PEPD: variants seen among roughly 807,000 people sequenced by gnomAD.
PEPD encodes the protein peptidase D, also known as xaa-Pro dipeptidase.
Under a neutral mutation model 60.7 loss-of-function variants are expected in PEPD, and 53 were observed. The observed-to-expected ratio is 0.87, with a 90% CI of 0.70 to 1.10. The LOEUF (loss-of-function observed/expected upper bound fraction) is 1.10. Among genes scored for constraint, PEPD ranks in the 50% least tolerant of loss-of-function variants. The pLI, the probability that PEPD is intolerant of heterozygous loss-of-function variation, is 0.00. For synonymous variants in PEPD, 267 were observed against 284.1 expected (o/e 0.94, Z 0.60); for missense variants, 711 against 711.9 (o/e 1.00, Z 0.01).
In PEPD at chr19:33,478,046, C is replaced by T. The variant is rs556625829; in HGVS notation, c.548G>A (p.Cys183Tyr). The T allele has an allele frequency of 6.2e-7, 1 of 1,608,388 alleles. No homozygotes were observed. The highest frequency in any genetic ancestry group is 1.3e-5 in the African/African-American group (1 of 74,886). The change falls in exon 7 of 15, where the codon TGC (cysteine) becomes TAC (tyrosine). Residue 183 changes from cysteine (C) to tyrosine (Y), a missense_variant and splice_region_variant. Cys to Tyr is a radical substitution (Grantham distance 194). Coordinates refer to ENST00000244137, the MANE Select transcript of PEPD (RefSeq NM_000285.4). ...CAAGGTGACCACAGGCCGTACTCAC[C>T]ACTCAACGATCTCTGGGTGAAGAAT... ...NTILHPEIVE[C>Y]RVFKTDMELE...
intron 1 of PEPD, among the ~76,000 whole-genome samples, chr19:33,515,131 T>A (rs1023971456): frequency 6.6e-6 from 1 of 152,186 alleles, no homozygotes; most frequent in Non-Finnish European, 1.5e-5. Flanking sequence ...CCTCGCCTGG[T>A]GCCTTGCCTG....
In PEPD at chr19:33,453,775, C is replaced by T. The variant is rs576535288; in HGVS notation, c.671+9220G>A. Among the ~76,000 whole-genome samples the T allele has an allele frequency of 1.7e-4, 26 of 152,254 alleles. No individual in the cohort carries two copies. In the East Asian group the frequency reaches 2.3e-3, roughly 14 times the overall value. On this transcript the variant is annotated intron_variant, in intron 9 of 14. Transcript: ENST00000244137. ...ATCCTCCTAATCCTCCTATGAAGTG[C>T]TATTATTTTTTTCCAGATGAGGACA...
chr19:33,398,375 A>G (rs1279099672), intron 12 of PEPD, among the ~76,000 whole-genome samples: 9 of 152,218 alleles, frequency 5.9e-5, no homozygotes. Flanking sequence ...GATGTCTGAC[A>G]CTACCACTTG....
At position 33,387,371 on chromosome 19, in the gene PEPD, G is replaced by A. The variant is rs375224388; in HGVS notation, c.1455C>T (p.Ala485=). The part of the protein sequence containing the change: ...IEACMAGCDK[A]FTPFSGPK ...ACTTGGGGCCAGAGAAGGGGGTAAA[G>A]GCCTTGTCACAGCCTGCCATGCATG... is the stretch of plus-strand genomic sequence containing the variant. The change falls in exon 15 of 15, where the codon GCC becomes GCT. Residue 485 remains alanine, a synonymous_variant. Transcript: ENST00000244137. 2.7e-5 allele frequency: 43 copies of A among 1,613,946 alleles called. No individual in the cohort carries two copies. The highest frequency in any genetic ancestry group is 3.5e-5 in the Non-Finnish European group (41 of 1,180,058).
rs756699991 is a variant in PEPD, at chr19:33,413,640, G to T, written c.675C>A (p.Leu225=). ...CCCGGGAGTAGCAGTAGTGCTCGAA[G>T]AGGCTGCAGGGGGAGAGACGCGTCA... is the stretch of plus-strand genomic sequence containing the variant. ...VGMKEYELES[L]FEHYCYSRGG... is the part of the protein sequence containing the mutation. Residue 225 remains leucine (L), a synonymous_variant, in exon 10 of 15, where the codon CTC becomes CTA. Coordinates refer to ENST00000244137, the MANE Select transcript of PEPD (RefSeq NM_000285.4). 4.4e-6 allele frequency: 7 copies of T among 1,580,902 alleles called. No homozygotes were observed. The African/African-American group carries it at 9.4e-5, about 21-fold the overall frequency.
intron 11 of PEPD, among the ~76,000 whole-genome samples, chr19:33,410,205 C>G (rs926947302): frequency 6.6e-6 from 1 of 152,238 alleles, no homozygotes; most frequent in Non-Finnish European, 1.5e-5. Flanking sequence ...GTGTTCCTAA[C>G]ACAGCCCTAC....
At chr19:33,517,806 A>G (rs1971051877) in intron 1 of PEPD, among the ~76,000 whole-genome samples, 1 of 151,218 alleles carries the variant, frequency 6.6e-6, no homozygotes, top group Admixed American at 6.6e-5. Context: ...CCCTATTAAA[A>G]ATACAAAAAA....
rs758031251 is a variant in PEPD at position 33,387,929 on chromosome 19, AAGG to A, written c.1302_1304del (p.Leu435del). ...GAAAGCGCTGCAGGACCTCGCGGTTAAGGAAGGAGGCGCGGGCCGGGTCCGCCA... is the reference window on the plus strand; with the variant it reads ...GAAAGCGCTGCAGGACCTCGCGGTTAAAGGAGGCGCGGGCCGGGTCCGCCA... On this transcript the variant is annotated inframe_deletion, in exon 14 of 15. Coordinates refer to ENST00000244137, the MANE Select transcript of PEPD (RefSeq NM_000285.4). 15 of 1,595,452 alleles carry A rather than the reference AAGG, an allele frequency of 9.4e-6. No homozygotes were observed. The highest frequency in any genetic ancestry group is 4.0e-5 in the African/African-American group (3 of 74,868).
chr19:33,494,325 C>T (rs1278341200), intron 4 of PEPD, among the ~76,000 whole-genome samples: 1 of 152,178 alleles, frequency 6.6e-6, no homozygotes, highest in Non-Finnish European at 1.5e-5. Context: ...GTTTTAACAG[C>T]TTGATTGAGT....
intron 7 of PEPD, among the ~76,000 whole-genome samples, chr19:33,470,557 C>T (rs1600142001): frequency 6.6e-6 from 1 of 152,136 alleles, no homozygotes; most frequent in Non-Finnish European, 1.5e-5. Context: ...GTAGTCTAGA[C>T]GAATCCTCAG....
intron 12 of PEPD, chr19:33,395,055 C>G (rs1345284805): frequency 1.3e-5 from 2 of 152,242 alleles, no homozygotes; most frequent in Non-Finnish European, 2.9e-5. Flanking sequence ...CTCACCCACT[C>G]CTGGGTGGGG....
intron 9 of PEPD, among the ~76,000 whole-genome samples, chr19:33,418,818 T>C (rs564097380): frequency 4.4e-4 from 67 of 152,170 alleles, no homozygotes; most frequent in Non-Finnish European, 4.1e-4. Context: ...AGGCTCCGAG[T>C]GCCTGAAATG....
intron 9 of PEPD, among the ~76,000 whole-genome samples, chr19:33,454,866 T>C (rs1969767832): frequency 6.6e-6 from 1 of 152,206 alleles, no homozygotes; most frequent in East Asian, 1.9e-4. Context: ...TGATAAGTCA[T>C]GCTGATGTGA....
At position 33,484,879 on chromosome 19, in the gene PEPD, G is replaced by A. The variant is rs973556835; in HGVS notation, c.503+5117C>T. On this transcript the variant is annotated intron_variant, in intron 6 of 14. Coordinates refer to ENST00000244137, the MANE Select transcript of PEPD (RefSeq NM_000285.4). Reference sequence around the variant, plus strand: ...AACCCTGGGTAATAAAATTCATATAGTTCTCATTTTTGCCTCCATGCTGGT... The same window carrying A: ...AACCCTGGGTAATAAAATTCATATAATTCTCATTTTTGCCTCCATGCTGGT... Among the ~76,000 whole-genome samples the A allele has an allele frequency of 3.2e-4, 48 of 152,180 alleles. 2 individuals carry two copies. Among genetic ancestry groups the A allele is most frequent in the Non-Finnish European group, 4.4e-5 (3 of 68,036 alleles).
intron 7 of PEPD, chr19:33,477,206 C>T (rs1336391178): frequency 6.5e-6 from 1 of 152,722 alleles, no homozygotes; most frequent in Non-Finnish European, 1.5e-5. Flanking sequence ...GTCACTCTCT[C>T]CTACTCCTTC....
chr19:33,393,660 T>C (rs1313136706), intron 12 of PEPD, among the ~76,000 whole-genome samples: 2 of 152,154 alleles, frequency 1.3e-5, no homozygotes, highest in Non-Finnish European at 2.9e-5. Flanking sequence ...TGGCCACCAT[T>C]CCTCCATCGC....
chr19:33,388,414 C>T (rs1968131671), intron 13 of PEPD: 1 of 520,610 alleles, frequency 1.9e-6, no homozygotes, highest in Non-Finnish European at 3.5e-6. Flanking sequence ...CTTAGCCAGG[C>T]CCCGCTGCTG....
chr19:33,427,018 G>A (rs573012081), intron 9 of PEPD, among the ~76,000 whole-genome samples: 14 of 152,320 alleles, frequency 9.2e-5, no homozygotes, highest in South Asian at 2.1e-4. Context: ...GTGAACTGCC[G>A]ACAACCCCTC....
At chr19:33,477,229 C>T (rs117182456) in intron 7 of PEPD, 1,680 of 152,706 alleles carry the variant, frequency 0.011, 26 homozygotes, top group South Asian at 0.07. Flanking sequence ...TTTCCACAGC[C>T]GATGCCCATT....
Sources: gnomAD v4.1 joint callset for allele counts (sites outside exome capture counted in the v4.1 genomes callset) on GRCh38, gnomAD v4.1.1 for gene constraint, MANE v1.5 for transcripts, NCBI Gene and HGNC (gene_info 2026-07-23, HGNC 2026-07-21) for gene names.